PCDHGA8: variants seen among roughly 807,000 people sequenced by gnomAD.
PCDHGA8 encodes protocadherin gamma-A8.
Under a neutral mutation model 59.2 loss-of-function variants are expected in PCDHGA8, and 45 were observed. The observed-to-expected ratio is 0.76, with a 90% CI of 0.60 to 0.98. The LOEUF (loss-of-function observed/expected upper bound fraction) is 0.98. Ranked by LOEUF, PCDHGA8 falls within the 50% of genes least tolerant of loss-of-function variation. PCDHGA8 has a pLI of 0.00. For synonymous variants in PCDHGA8, 531 were observed against 519.0 expected (o/e 1.02, Z -0.32); for missense variants, 1,257 against 1,196.2 (o/e 1.05, Z -0.75).
rs143939286 is a variant in PCDHGA8 at position 141,427,522 on chromosome 5, T to C, written c.2424+32285T>C. 6.1e-3 allele frequency: 3,716 copies of C among 607,796 alleles called. 27 individuals are homozygous for C. The highest frequency in any genetic ancestry group is 8.8e-3 in the Non-Finnish European group (2,868 of 324,656). The allele number at this position is 607,796 out of a possible 1,614,324, so 37.7% of individuals were successfully genotyped here. A position where few individuals can be genotyped will look rare whatever the true frequency, so the allele number is the denominator to read the frequency against. On this transcript the variant is annotated intron_variant, in intron 1 of 3. Transcript: ENST00000398604. ...GATGGGACCCTGGATTGGGAGCGGATCCCGGAGTACAACGTCACCATCACT... is the reference window on the plus strand; with the variant it reads ...GATGGGACCCTGGATTGGGAGCGGACCCCGGAGTACAACGTCACCATCACT...
chr5:141,412,459 A>C (rs1267719740), intron 1 of PCDHGA8: 1 of 152,232 alleles, frequency 6.6e-6, no homozygotes, highest in Non-Finnish European at 1.5e-5. Flanking sequence ...AAACTATTCT[A>C]GAAGAGTACT....
rs73794918 is a variant in PCDHGA8, at chr5:141,443,711, A to G, written c.2424+48474A>G. On this transcript the variant is annotated intron_variant, in intron 1 of 3. Coordinates refer to ENST00000398604, the MANE Select transcript of PCDHGA8 (RefSeq NM_032088.2). ...TCAAAAATTATAGAATAACATTTGC[A>G]TATAAAATTCCTCATACATTTCCCT... 9.8e-3 allele frequency among the ~76,000 whole-genome samples: 1,497 copies of G among 152,340 alleles called. 25 individuals are homozygous for G. Among genetic ancestry groups the G allele is most frequent in the African/African-American group, 0.033 (1,382 of 41,580 alleles).
In PCDHGA8 at chr5:141,477,191, A is replaced by G; in HGVS notation, c.2425-17616A>G. ...GGAGATCACAGTCACCTCCGTGTACAGCCCAGTACCCGAGGATGCCCCTCT... is the reference window on the plus strand; with the variant it reads ...GGAGATCACAGTCACCTCCGTGTACGGCCCAGTACCCGAGGATGCCCCTCT... On this transcript the variant is annotated intron_variant, in intron 1 of 3. Transcript: ENST00000398604. This position sits in a 1 kb window ranked among gnomAD's most constrained non-coding sequence, Gnocchi z 4.9. 5.0e-6 allele frequency: 8 copies of G among 1,614,210 alleles called. No homozygotes were observed. The highest frequency in any genetic ancestry group is 6.8e-6 in the Non-Finnish European group (8 of 1,180,044).
At chr5:141,406,446 C>T (rs1292880739) in intron 1 of PCDHGA8, among the ~76,000 whole-genome samples, 1 of 152,200 alleles carries the variant, frequency 6.6e-6, no homozygotes, top group Non-Finnish European at 1.5e-5. Flanking sequence ...TCTTCCATTT[C>T]TATGACAGGA....
Position 141,393,267 on chromosome 5 carries a change from T to C in PCDHGA8, c.454T>C (p.Tyr152His). The C allele has an allele frequency of 6.2e-7, 1 of 1,613,944 alleles. No homozygotes were observed. Among genetic ancestry groups the C allele is most frequent in the Non-Finnish European group, 8.5e-7 (1 of 1,179,910 alleles). ...CGAAATCGCGGTTCCTGGAGCACGTTATCCACTCCCAGAAGCTGTTGACCC... is the reference window on the plus strand; with the variant it reads ...CGAAATCGCGGTTCCTGGAGCACGTCATCCACTCCCAGAAGCTGTTGACCC... ...INEIAVPGAR[Y>H]PLPEAVDPDV... Residue 152 changes from tyrosine (Y) to histidine (H), a missense_variant, in exon 1 of 4, where the codon TAT becomes CAT. Physicochemically the swap from Tyr to His is moderately conservative, Grantham distance 83. Coordinates refer to ENST00000398604, the MANE Select transcript of PCDHGA8 (RefSeq NM_032088.2).
At chr5:141,398,611 A>G (rs2093677658) in intron 1 of PCDHGA8, 4 of 1,613,944 alleles carry the variant, frequency 2.5e-6, no homozygotes, top group African/African-American at 1.3e-5. Context: ...AGATGCAGAT[A>G]TTGGCTTAAA....
At chr5:141,396,821 G>A (rs934244827) in intron 1 of PCDHGA8, among the ~76,000 whole-genome samples, 5 of 152,314 alleles carry the variant, frequency 3.3e-5, no homozygotes, top group Middle Eastern at 3.4e-3. Context: ...ACTGTATGGT[G>A]CATATTCAGT....
chr5:141,449,569 A>G (rs1340921687), intron 1 of PCDHGA8, among the ~76,000 whole-genome samples: 2 of 148,390 alleles, frequency 1.3e-5, no homozygotes, highest in East Asian at 3.9e-4. Flanking sequence ...AGCCTGGGCG[A>G]CAGAGCAAGA....
rs201673318 is a variant in PCDHGA8, at chr5:141,421,626, C to G, written c.2424+26389C>G. On this transcript the variant is annotated intron_variant, in intron 1 of 3. Coordinates refer to ENST00000398604, the MANE Select transcript of PCDHGA8 (RefSeq NM_032088.2). ...TAGATATTAATGATAACGCCCCCAG[C>G]TTCCAGGAGGACGAAGTGGAGATAA... 1.9e-6 allele frequency: 3 copies of G among 1,613,842 alleles called. No individual in the cohort carries two copies. In the African/African-American group the frequency reaches 4.0e-5, roughly 21 times the overall value.
rs1360124362 is a variant in PCDHGA8 at position 141,489,688 on chromosome 5, G to A, written c.2425-5119G>A. On this transcript the variant is annotated intron_variant, in intron 1 of 3. Coordinates refer to ENST00000398604, the MANE Select transcript of PCDHGA8 (RefSeq NM_032088.2). This position sits in a 1 kb window ranked among gnomAD's most constrained non-coding sequence, Gnocchi z 4.5. The stretch of plus-strand genomic sequence containing the variant: ...CATCTCAGAATCAGCAGCATCTGGG[G>A]CACGATTCCCACTGGACAGTGCCCA... 6.2e-7 allele frequency: 1 copy of A among 1,614,150 alleles called. No homozygotes were observed. Among genetic ancestry groups the A allele is most frequent in the Non-Finnish European group, 8.5e-7 (1 of 1,180,012 alleles).
rs2099884060 is a variant in PCDHGA8 at position 141,512,057 on chromosome 5, A to T, written c.*884A>T. 1 of 152,768 alleles carries T rather than the reference A, an allele frequency of 6.5e-6. No individual in the cohort carries two copies. Among genetic ancestry groups the T allele is most frequent in the South Asian group, 2.1e-4 (1 of 4,832 alleles). 9.5% of individuals were successfully genotyped at this position (152,768 alleles called of 1,614,324 possible). ...GGCTCTGTATGTCCTCAGGGGACTG[A>T]CAACATCCTCCAGATTCCAGCCATA... is the stretch of plus-strand genomic sequence containing the variant. On this transcript the variant is annotated 3_prime_UTR_variant, in exon 4 of 4. Coordinates refer to ENST00000398604, the MANE Select transcript of PCDHGA8 (RefSeq NM_032088.2).
At chr5:141,403,876 T>A (rs1189942027) in intron 1 of PCDHGA8, 3 of 1,613,702 alleles carry the variant, frequency 1.9e-6, no homozygotes, top group African/African-American at 1.3e-5. Flanking sequence ...AAAGTCTAGA[T>A]TATGAAGAAT....
Position 141,433,362 on chromosome 5 carries a change from T to G in PCDHGA8, c.2424+38125T>G, listed in dbSNP as rs1285511534. ...GTGCAAGCCACCTACTGTCTGCCTA[T>G]CTATCTATCTATCTATCTATCTATC... On this transcript the variant is annotated intron_variant, in intron 1 of 3. Transcript: ENST00000398604. 4 of 299,814 alleles carry G rather than the reference T, an allele frequency of 1.3e-5. No individual in the cohort carries two copies. In the East Asian group the frequency reaches 1.8e-4, roughly 14 times the overall value. 18.6% of individuals were successfully genotyped at this position (299,814 alleles called of 1,614,324 possible). A position where few individuals can be genotyped will look rare whatever the true frequency, so the allele number is the denominator to read the frequency against.
chr5:141,431,146 T>G lies in PCDHGA8; in HGVS notation c.2424+35909T>G. On this transcript the variant is annotated intron_variant, in intron 1 of 3. Coordinates refer to ENST00000398604, the MANE Select transcript of PCDHGA8 (RefSeq NM_032088.2). The surrounding 1 kb of genome is among the most constrained non-coding windows in gnomAD (Gnocchi z 4.8). The stretch of plus-strand genomic sequence containing the variant: ...TAGAAGTAAGGGACATTAACGACAA[T>G]GCGCCTTACTTTCGTGAAAGTGAAT... 6.2e-7 allele frequency: 1 copy of G among 1,614,124 alleles called. No individual in the cohort carries two copies. Among genetic ancestry groups the G allele is most frequent in the African/African-American group, 1.3e-5 (1 of 75,022 alleles).
At chr5:141,437,660 G>A (rs1021986333) in intron 1 of PCDHGA8, among the ~76,000 whole-genome samples, 6 of 151,866 alleles carry the variant, frequency 4.0e-5, no homozygotes, top group Non-Finnish European at 5.9e-5. Flanking sequence ...ACATAGTTTC[G>A]AAGAGATGTT....
In PCDHGA8 at chr5:141,489,353, A is replaced by G. The variant is rs1423278514; in HGVS notation, c.2425-5454A>G. 3.7e-6 allele frequency: 6 copies of G among 1,612,316 alleles called. No homozygotes were observed. In the African/African-American group the frequency reaches 6.7e-5, roughly 18 times the overall value. ...CAGCTTCGTTACTCAGTGGTGGAGG[A>G]GTCTGAGCCGGGGACGCTGGTGGGG... On this transcript the variant is annotated intron_variant, in intron 1 of 3. Transcript: ENST00000398604. This position sits in a 1 kb window ranked among gnomAD's most constrained non-coding sequence, Gnocchi z 4.5.
At chr5:141,482,089 C>CA (rs36035257) in intron 1 of PCDHGA8, among the ~76,000 whole-genome samples, 13,509 of 134,292 alleles carry the variant, frequency 0.1, 910 homozygotes, top group African/African-American at 0.2. Context: ...CACTCCATCT[C>CA]AAAAAAAAAA....
At chr5:141,456,342 G>A (rs1439003615) in intron 1 of PCDHGA8, among the ~76,000 whole-genome samples, 1 of 152,114 alleles carries the variant, frequency 6.6e-6, no homozygotes, top group African/African-American at 2.4e-5. Context: ...AAGGGTCCTC[G>A]GAAGAATGGC....
In PCDHGA8 at chr5:141,431,028, T is replaced by C. The variant is rs367575636; in HGVS notation, c.2424+35791T>C. On this transcript the variant is annotated intron_variant, in intron 1 of 3. Transcript: ENST00000398604. This position sits in a 1 kb window ranked among gnomAD's most constrained non-coding sequence, Gnocchi z 4.8. ...GGCAGCTTGGTCACGGCGGGCAGGA[T>C]AGACCGGGAGGAGCTCTGTATGGGG... The C allele has an allele frequency of 6.2e-7, 1 of 1,613,986 alleles. No homozygotes were observed. Among genetic ancestry groups the C allele is most frequent in the Admixed American group, 1.7e-5 (1 of 60,022 alleles).
Sources: allele counts gnomAD v4.1 joint callset (sites outside exome capture counted in the v4.1 genomes callset), GRCh38; gene constraint gnomAD v4.1.1; non-coding constraint Gnocchi (gnomAD v3.1); transcripts MANE v1.5; gene names NCBI Gene and HGNC (gene_info 2026-07-23, HGNC 2026-07-21).